DGKB: variants seen among roughly 807,000 people sequenced by gnomAD.
DGKB encodes diacylglycerol kinase beta.
In DGKB, 67 loss-of-function variants were observed where a neutral mutation model predicts 114.3. That is an observed-to-expected ratio of 0.59 (90% CI 0.48 to 0.72). DGKB has a LOEUF of 0.72. DGKB is among the 30% of genes least tolerant of loss of function. DGKB has a pLI of 0.00. For missense variants in DGKB, 907 were observed against 975.2 expected (o/e 0.93, Z 0.93); for synonymous variants, 398 against 323.1 (o/e 1.23, Z -2.49).
chr7:14,192,180 T>C (rs1784406390), intron 23 of DGKB: 2 of 296,546 alleles, frequency 6.7e-6, no homozygotes, highest in South Asian at 3.2e-5. Context: ...ATTGTCCCTA[T>C]TTGTAGATGT....
intron 1 of DGKB, among the ~76,000 whole-genome samples, chr7:14,910,477 T>C (rs1210400654): frequency 1.3e-5 from 2 of 152,080 alleles, no homozygotes; most frequent in African/African-American, 4.8e-5. Context: ...TTTGGTTTTC[T>C]TTTTTTGGCT....
At chr7:14,261,385 TAA>T (rs1796757075) in intron 23 of DGKB, among the ~76,000 whole-genome samples, 1 of 152,164 alleles carries the variant, frequency 6.6e-6, no homozygotes, top group Non-Finnish European at 1.5e-5. Context: ...CAGAAATACC[TAA>T]GTGTTGGCAT....
At chr7:14,775,063 CT>C (rs1837953266) in intron 2 of DGKB, among the ~76,000 whole-genome samples, 2 of 152,068 alleles carry the variant, frequency 1.3e-5, no homozygotes, top group Admixed American at 1.3e-4. Context: ...ACTATTATCA[CT>C]GCAGTGATAT....
chr7:14,391,461 C>T (rs1164942281), intron 21 of DGKB, among the ~76,000 whole-genome samples: 3 of 150,656 alleles, frequency 2.0e-5, no homozygotes, highest in African/African-American at 7.4e-5. Flanking sequence ...GCAGGTGGAT[C>T]GCTTGAGCCC....
chr7:14,735,950 T>G, intron 5 of DGKB, 91 bp downstream of exon 5: 1 of 789,960 alleles, frequency 1.3e-6, no homozygotes, highest in Non-Finnish European at 1.9e-6. Context: ...ACAATTTTTA[T>G]GCAAATCATC....
chr7:14,272,719 C>T (rs1798440822), intron 23 of DGKB, among the ~76,000 whole-genome samples: 1 of 152,060 alleles, frequency 6.6e-6, no homozygotes, highest in Admixed American at 6.6e-5. Flanking sequence ...AAAGTGAATC[C>T]CGTAAGAACT....
chr7:14,214,919 T>C (rs924081408), intron 23 of DGKB, among the ~76,000 whole-genome samples: 1 of 152,112 alleles, frequency 6.6e-6, no homozygotes, highest in Non-Finnish European at 1.5e-5. Flanking sequence ...TGTCCTGACT[T>C]CCATTCGCTC....
At chr7:14,738,381 A>ATT (rs1471762928) in intron 4 of DGKB, among the ~76,000 whole-genome samples, 6 of 152,184 alleles carry the variant, frequency 3.9e-5, no homozygotes, top group Admixed American at 3.9e-4. Context: ...AACATAACAG[A>ATT]TGATAAGGGG....
At chr7:14,155,691 G>A (rs189330424) in intron 25 of DGKB, among the ~76,000 whole-genome samples, 67 of 152,222 alleles carry the variant, frequency 4.4e-4, no homozygotes, top group African/African-American at 1.6e-3. Flanking sequence ...GATACGATGG[G>A]TGAGTGGATG....
chr7:14,227,834 A>G (rs974710102), intron 23 of DGKB, among the ~76,000 whole-genome samples: 3 of 152,192 alleles, frequency 2.0e-5, no homozygotes, highest in East Asian at 1.9e-4. Flanking sequence ...AATTTTATCT[A>G]TTCTCTTTTA....
chr7:14,575,940 G>C (rs898751447), intron 19 of DGKB, among the ~76,000 whole-genome samples: 1 of 152,112 alleles, frequency 6.6e-6, no homozygotes, highest in African/African-American at 2.4e-5. Context: ...AGGTGTATCT[G>C]TTCAATTAAC....
At chr7:14,867,793 G>C (rs972357310) in intron 1 of DGKB, among the ~76,000 whole-genome samples, 3 of 151,990 alleles carry the variant, frequency 2.0e-5, no homozygotes, top group African/African-American at 7.3e-5. Flanking sequence ...CGGTTCCTTA[G>C]CATATGCATG....
chr7:14,508,630 T>C (rs1306009262), intron 20 of DGKB, among the ~76,000 whole-genome samples: 2 of 152,218 alleles, frequency 1.3e-5, no homozygotes, highest in Non-Finnish European at 2.9e-5. Flanking sequence ...CACCTTACTT[T>C]TGAGCTTTAA....
intron 7 of DGKB, among the ~76,000 whole-genome samples, chr7:14,700,143 G>C (rs1824866463): frequency 6.6e-6 from 1 of 151,582 alleles, no homozygotes; most frequent in Admixed American, 6.6e-5. Context: ...AATTTATTAT[G>C]TAGCTTGGTA....
chr7:14,170,025 T>G (rs7803849), intron 25 of DGKB, among the ~76,000 whole-genome samples: 1 of 150,354 alleles, frequency 6.7e-6, no homozygotes, highest in Admixed American at 6.6e-5. Context: ...TCCCAGCTAC[T>G]TGGGAGGCTG....
rs368008653 is a variant in DGKB, at chr7:14,884,602, T to C, written c.-188+17990A>G. Among the ~76,000 whole-genome samples, 5 of 152,072 alleles carry C rather than the reference T, an allele frequency of 3.3e-5. No individual in the cohort carries two copies. In the South Asian group the frequency reaches 1.0e-3, roughly 32 times the overall value. Reference sequence around the variant, plus strand: ...TTTATCACTCTGCTCCTTGAGCACATTTTCCAAATCCTGACAAAAACATCC... The same window carrying C: ...TTTATCACTCTGCTCCTTGAGCACACTTTCCAAATCCTGACAAAAACATCC... On this transcript the variant is annotated intron_variant, in intron 1 of 25. Transcript: ENST00000402815.
intron 21 of DGKB, among the ~76,000 whole-genome samples, chr7:14,402,989 C>T (rs1326115943): frequency 2.0e-5 from 3 of 151,924 alleles, no homozygotes. Context: ...GACATTTCAG[C>T]TCCACAATAG....
At chr7:14,576,558 C>T (rs940313266) in intron 19 of DGKB, among the ~76,000 whole-genome samples, 52 of 151,678 alleles carry the variant, frequency 3.4e-4, no homozygotes, top group African/African-American at 1.1e-3. Context: ...ATAGGAGTAT[C>T]GTGTGTGTGT....
chr7:14,628,726 G>A (rs986655222), intron 14 of DGKB, among the ~76,000 whole-genome samples: 11 of 152,064 alleles, frequency 7.2e-5, no homozygotes, highest in African/African-American at 2.7e-4. Context: ...CTTTCTGTGT[G>A]TATATATGTG....
Sources: allele counts gnomAD v4.1 joint callset (sites outside exome capture counted in the v4.1 genomes callset), GRCh38; gene constraint gnomAD v4.1.1; transcripts MANE v1.5; gene names NCBI Gene and HGNC (gene_info 2026-07-23, HGNC 2026-07-21).